APPL2: variants seen among roughly 807,000 people sequenced by gnomAD.
The protein encoded by APPL2 is adaptor protein, phosphotyrosine interacting with PH domain and leucine zipper 2.
APPL2 carries 84 observed loss-of-function variants against 92.7 expected under a neutral mutation model. The ratio of observed to expected loss-of-function variants is 0.91; its 90% CI spans 0.76 to 1.09. The LOEUF (loss-of-function observed/expected upper bound fraction) is 1.09, where lower values mean the gene tolerates loss of function less well. Among genes scored for constraint, APPL2 ranks in the 50% least tolerant of loss-of-function variants. APPL2 has a pLI of 0.00. For missense variants in APPL2, 736 were observed against 824.5 expected, an observed-to-expected ratio of 0.89 and a Z score of 1.31; for synonymous variants, 291 against 291.0, an observed-to-expected ratio of 1.00 and a Z score of 0.00.
intron 20 of APPL2, among the ~76,000 whole-genome samples, chr12:105,174,938 C>T (rs764730962): frequency 7.6e-5 from 11 of 145,472 alleles, no homozygotes; most frequent in Non-Finnish European, 1.2e-4. Context: ...GGCTGGAGAG[C>T]AGTGGTATGA....
At chr12:105,178,977 C>T (rs1267003546) in intron 17 of APPL2, among the ~76,000 whole-genome samples, 4 of 151,964 alleles carry the variant, frequency 2.6e-5, no homozygotes, top group African/African-American at 7.3e-5. Flanking sequence ...AATCAGGTAA[C>T]CTAGATTTCT....
chr12:105,203,586 T>C (rs1391213042), intron 9 of APPL2, 117 bp downstream of exon 9: 3 of 866,340 alleles, frequency 3.5e-6, no homozygotes, highest in Non-Finnish European at 5.6e-6. Context: ...ATTTCTGGGG[T>C]GGACAGAGGC....
rs544597888 is a variant in APPL2, at chr12:105,214,530, C to T, written c.285+2539G>A. Reference sequence around the variant, plus strand: ...TTTCAACACATCTGAGAGAGAGCCACGCAGTGCATGTGATATCATGATATA... The same window carrying T: ...TTTCAACACATCTGAGAGAGAGCCATGCAGTGCATGTGATATCATGATATA... On this transcript the variant is annotated intron_variant, in intron 4 of 20. Coordinates refer to ENST00000258530, the MANE Select transcript of APPL2 (RefSeq NM_018171.5). 5.9e-5 allele frequency among the ~76,000 whole-genome samples: 9 copies of T among 152,344 alleles called. No individual in the cohort carries two copies. The South Asian group carries it at 1.0e-3, about 18-fold the overall frequency.
At chr12:105,212,354 G>C (rs779625103) in intron 4 of APPL2, among the ~76,000 whole-genome samples, 4 of 152,062 alleles carry the variant, frequency 2.6e-5, no homozygotes, top group Non-Finnish European at 4.4e-5. Flanking sequence ...GTGCATTTTT[G>C]AGTACTTTTT....
intron 1 of APPL2, 139 bp from the exon 2 acceptor site, chr12:105,229,362 T>C (rs962007440): frequency 3.4e-6 from 3 of 891,282 alleles, no homozygotes; most frequent in Admixed American, 2.7e-5. Flanking sequence ...TGGCTTCTTT[T>C]ATTGATAGTA....
At chr12:105,203,537 T>G in intron 9 of APPL2, 166 bp downstream of exon 9, 1 of 641,926 alleles carries the variant, frequency 1.6e-6, no homozygotes, top group East Asian at 2.7e-5. Context: ...CAGATATTTA[T>G]GAATATTGGC....
Position 105,197,778 on chromosome 12 carries a change from G to A in APPL2, c.1039C>T (p.Pro347Ser). 1 of 1,614,202 alleles carries A rather than the reference G, an allele frequency of 6.2e-7. No individual in the cohort carries two copies. Among genetic ancestry groups the A allele is most frequent in the Non-Finnish European group, 8.5e-7 (1 of 1,180,032 alleles). Residue 347 changes from proline (P) to serine (S), a missense_variant, in exon 11 of 21, where the codon CCC (proline) becomes TCC (serine). Pro to Ser is a moderately conservative substitution (Grantham distance 74). Transcript: ENST00000258530. ...DRRYCFQITT[P>S]NGKSGIILQA... ...CGTGAAACATACGATTTTCCATTGG[G>A]CGTGGTGATCTGGAAGCAGTAGCGC...
intron 16 of APPL2, among the ~76,000 whole-genome samples, chr12:105,188,648 T>C (rs1474805557): frequency 2.0e-5 from 3 of 152,244 alleles, no homozygotes; most frequent in Non-Finnish European, 4.4e-5. Context: ...TGTTTGGAAC[T>C]ACTTCATTAG....
intron 17 of APPL2, among the ~76,000 whole-genome samples, chr12:105,177,797 CTATT>C (rs750900503): frequency 2.0e-5 from 3 of 152,060 alleles, no homozygotes; most frequent in Admixed American, 6.6e-5. Flanking sequence ...TAATTATTTA[CTATT>C]TATTTATTCT....
At chr12:105,189,729 T>C (rs1487059321) in intron 16 of APPL2, 43 bp downstream of exon 16, 2 of 1,584,728 alleles carry the variant, frequency 1.3e-6, no homozygotes, top group Non-Finnish European at 1.7e-6. Flanking sequence ...CCGTTGTCAT[T>C]TTGTGCAGAG....
chr12:105,174,303 G>A lies in APPL2; in HGVS notation c.*11C>T, dbSNP rs972524576. On this transcript the variant is annotated 3_prime_UTR_variant, in exon 21 of 21. Coordinates refer to ENST00000258530, the MANE Select transcript of APPL2 (RefSeq NM_018171.5). ...CTTCCTGTTTGCTCTTCCCCCACAG[G>A]CGCAAGTGAGTTATGCTTCGGATTC... is the stretch of plus-strand genomic sequence containing the variant. The A allele has an allele frequency of 4.3e-6, 7 of 1,612,868 alleles. No homozygotes were observed. In the African/African-American group the frequency reaches 9.4e-5, roughly 22 times the overall value.
intron 20 of APPL2, among the ~76,000 whole-genome samples, chr12:105,175,824 C>T (rs772412551): frequency 1.3e-5 from 2 of 152,118 alleles, no homozygotes; most frequent in Non-Finnish European, 2.9e-5. Context: ...TAAGCAGGAG[C>T]TCCAGCAGTG....
At chr12:105,186,622 T>TGATATTG (rs1555248008) in intron 17 of APPL2, among the ~76,000 whole-genome samples, 9 of 125,678 alleles carry the variant, frequency 7.2e-5, no homozygotes, top group Non-Finnish European at 1.4e-4. Flanking sequence ...ATATCATATA[T>TGATATTG]ATATCATATA....
At chr12:105,229,543 G>C in intron 1 of APPL2, 2 of 1,021,900 alleles carry the variant, frequency 2.0e-6, no homozygotes, top group Non-Finnish European at 1.2e-6. Flanking sequence ...CACCAGTAAA[G>C]TCTATCCAAT....
In APPL2 at chr12:105,189,184, A is replaced by G. The variant is rs74662534; in HGVS notation, c.1459+588T>C. Reference sequence around the variant, plus strand: ...CAGGCACCTGTCACTACACCTGGCTAATTTTTGTATATATATATATATTTT... The same window carrying G: ...CAGGCACCTGTCACTACACCTGGCTGATTTTTGTATATATATATATATTTT... On this transcript the variant is annotated intron_variant, in intron 16 of 20. Transcript: ENST00000258530. 3.0e-3 allele frequency among the ~76,000 whole-genome samples: 439 copies of G among 148,500 alleles called. 17 individuals carry two copies. In the East Asian group the frequency reaches 0.072, roughly 24 times the overall value.
chr12:105,195,371 C>A (rs751693864), intron 13 of APPL2, 22 bp from the exon 14 acceptor site: 4 of 1,614,178 alleles, frequency 2.5e-6, no homozygotes, highest in Non-Finnish European at 3.4e-6. Context: ...CAGGAAGACA[C>A]ACTCAGTCCC....
In APPL2 at chr12:105,199,390, A is replaced by G; in HGVS notation, c.846T>C (p.Gly282=). 4.3e-6 allele frequency: 7 copies of G among 1,613,162 alleles called. No homozygotes were observed. Among genetic ancestry groups the G allele is most frequent in the Non-Finnish European group, 5.9e-6 (7 of 1,179,578 alleles). The part of the protein sequence containing the change: ...QINRNLIQKA[G]YLNLRNKTGL... ...GTTCTCACTTTCTAAGATTAAGGTA[A>G]CCAGCCTTCTGGATGAGGTTCCTGT... is the stretch of plus-strand genomic sequence containing the variant. The change falls in exon 10 of 21, where the codon GGT becomes GGC. Residue 282 remains glycine, a synonymous_variant. Coordinates refer to ENST00000258530, the MANE Select transcript of APPL2 (RefSeq NM_018171.5).
intron 14 of APPL2, among the ~76,000 whole-genome samples, chr12:105,191,523 A>T (rs1887193396): frequency 6.6e-6 from 1 of 152,136 alleles, no homozygotes; most frequent in Non-Finnish European, 1.5e-5. Context: ...AGAGAGTCAA[A>T]GGGGGGAGAT....
rs376032815 is a variant in APPL2 at position 105,206,898 on chromosome 12, A to T, written c.621+163T>A. 50 of 844,696 alleles carry T rather than the reference A, an allele frequency of 5.9e-5. No individual in the cohort carries two copies. In the African/African-American group the frequency reaches 6.9e-4, roughly 12 times the overall value. The allele number at this position is 844,696 out of a possible 1,614,324, so 52.3% of individuals were successfully genotyped here. A position where few individuals can be genotyped will look rare whatever the true frequency, so the allele number is the denominator to read the frequency against. On this transcript the variant is annotated intron_variant, in intron 8 of 20. Transcript: ENST00000258530. ...ATGCATGTCCAGCTGAAGATGACCC[A>T]GCTCAACTGGAAGCTGTCCAAGTGC...
Sources: allele counts gnomAD v4.1 joint callset (sites outside exome capture counted in the v4.1 genomes callset), GRCh38; gene constraint gnomAD v4.1.1; transcripts MANE v1.5; gene names NCBI Gene and HGNC (gene_info 2026-07-23, HGNC 2026-07-21).